RXFP2: variants seen among roughly 807,000 people sequenced by gnomAD.
RXFP2 encodes the protein relaxin receptor 2.
Under a neutral mutation model 88.6 loss-of-function variants are expected in RXFP2, and 68 were observed. The ratio of observed to expected loss-of-function variants is 0.77; its 90% CI spans 0.63 to 0.94. RXFP2 has a LOEUF of 0.94. Among genes scored for constraint, RXFP2 ranks in the 40% least tolerant of loss-of-function variants. The pLI is 0.00. For synonymous variants in RXFP2, 329 were observed against 306.8 expected (o/e 1.07, Z -0.76); for missense variants, 791 against 893.9 (o/e 0.88, Z 1.47).
chr13:31,756,087 A>G (rs989335922), intron 1 of RXFP2, among the ~76,000 whole-genome samples: 4 of 152,212 alleles, frequency 2.6e-5, no homozygotes. Context: ...CTAAAAGCTT[A>G]ATGTGCATTT....
At chr13:31,750,493 T>A (rs1460985780) in intron 1 of RXFP2, among the ~76,000 whole-genome samples, 1 of 152,192 alleles carries the variant, frequency 6.6e-6, no homozygotes, top group Non-Finnish European at 1.5e-5. Flanking sequence ...TTCTCTAAAT[T>A]CTTTAATTGA....
chr13:31,762,382 G>A (rs1453839385), intron 3 of RXFP2, among the ~76,000 whole-genome samples: 1 of 152,162 alleles, frequency 6.6e-6, no homozygotes, highest in Non-Finnish European at 1.5e-5. Context: ...AGAGGAGCAA[G>A]ATCAACAAAA....
rs137999439 is a variant in RXFP2 at position 31,797,072 on chromosome 13, TTCCGAAA to T, written c.1787-118_1787-112del. ...ATATATCATTATGAATGTGTAAATA[TTCCGAAA>T]TCCGAAATCCAAAACATTTCTGGTT... is the stretch of plus-strand genomic sequence containing the variant. On this transcript the variant is annotated intron_variant, in intron 16 of 17. Coordinates refer to ENST00000298386, the MANE Select transcript of RXFP2 (RefSeq NM_130806.5). 2.1e-3 allele frequency: 1,551 copies of T among 733,448 alleles called. 22 individuals are homozygous for T. The African/African-American group carries it at 0.023, about 11-fold the overall frequency. The allele number at this position is 733,448 out of a possible 1,614,324, so 45.4% of individuals were successfully genotyped here.
chr13:31,742,032 T>C (rs1871240063), intron 1 of RXFP2, among the ~76,000 whole-genome samples: 1 of 152,140 alleles, frequency 6.6e-6, no homozygotes, highest in Admixed American at 6.5e-5. Context: ...CTAAAAACAG[T>C]ATCTGTCTCT....
chr13:31,752,479 G>A (rs1367628357), intron 1 of RXFP2, among the ~76,000 whole-genome samples: 2 of 152,090 alleles, frequency 1.3e-5, no homozygotes, highest in Admixed American at 1.3e-4. Context: ...AACGATTGAT[G>A]TGGCCAAGAA....
At chr13:31,750,932 A>T (rs1373818194) in intron 1 of RXFP2, among the ~76,000 whole-genome samples, 1 of 152,214 alleles carries the variant, frequency 6.6e-6, no homozygotes, top group Non-Finnish European at 1.5e-5. Flanking sequence ...AGGCAGATAT[A>T]ACAGGATTTA....
intron 1 of RXFP2, among the ~76,000 whole-genome samples, chr13:31,757,842 C>T (rs1046381843): frequency 6.6e-6 from 1 of 152,120 alleles, no homozygotes; most frequent in African/African-American, 2.4e-5. Flanking sequence ...ACCTGTAATC[C>T]CGGCACTTTG....
intron 1 of RXFP2, among the ~76,000 whole-genome samples, chr13:31,746,051 G>A (rs533353678): frequency 2.0e-5 from 3 of 152,148 alleles, no homozygotes; most frequent in African/African-American, 4.8e-5. Context: ...TAACTTCTCC[G>A]CTTCATCCAC....
chr13:31,799,805 C>T (rs9576992), intron 17 of RXFP2, among the ~76,000 whole-genome samples: 50,705 of 151,960 alleles, frequency 0.33, 8,870 homozygotes, highest in East Asian at 0.5. Context: ...GGCTGGAAGT[C>T]CAAGATCAAA....
At chr13:31,775,452 C>T in intron 7 of RXFP2, 63 bp downstream of exon 7, 1 of 1,164,454 alleles carries the variant, frequency 8.6e-7, no homozygotes, top group Non-Finnish European at 1.3e-6. Context: ...TATAACAGTG[C>T]TAATGTAGTT....
chr13:31,766,010 C>A lies in RXFP2; in HGVS notation c.480C>A (p.Tyr160Ter). ...TTCCAGATAAAGTTTTCATCAAATA[C>A]ACAAAACTTAAAAAGATGTAAGTAG... ...HSLPDKVFIK[Y>*]TKLKKIFLQH... Residue 160 changes from tyrosine (Y) to a stop codon, truncating the protein, a stop_gained, in exon 5 of 18, where the codon TAC (tyrosine) becomes TAA (stop). Transcript: ENST00000298386. LOFTEE classifies it high-confidence loss of function. 1 of 1,538,744 alleles carries A rather than the reference C, an allele frequency of 6.5e-7. No individual in the cohort carries two copies. The highest frequency in any genetic ancestry group is 9.0e-7 in the Non-Finnish European group (1 of 1,112,900).
chr13:31,759,958 C>G (rs1406481824), intron 2 of RXFP2, among the ~76,000 whole-genome samples: 1 of 152,184 alleles, frequency 6.6e-6, no homozygotes, highest in Admixed American at 6.5e-5. Context: ...GCTTCCCTGG[C>G]CCCCCTGAAG....
intron 15 of RXFP2, 78 bp from the exon 16 acceptor site, chr13:31,792,600 C>T: frequency 7.3e-7 from 1 of 1,369,092 alleles, no homozygotes; most frequent in Non-Finnish European, 1.0e-6. Flanking sequence ...AATTAAAATG[C>T]TGGAAATAGA....
At chr13:31,770,948 G>A (rs1872714744) in intron 5 of RXFP2, among the ~76,000 whole-genome samples, 1 of 152,210 alleles carries the variant, frequency 6.6e-6, no homozygotes, top group Non-Finnish European at 1.5e-5. Flanking sequence ...AAGGTGGGGA[G>A]CATCTTCACC....
chr13:31,785,362 G>A (rs938672542), intron 11 of RXFP2, among the ~76,000 whole-genome samples: 2 of 152,070 alleles, frequency 1.3e-5, no homozygotes, highest in African/African-American at 2.4e-5. Flanking sequence ...TCCTGAAAGT[G>A]TCACTGAATT....
At chr13:31,800,840 T>A (rs1187588802) in intron 17 of RXFP2, among the ~76,000 whole-genome samples, 4 of 27,334 alleles carry the variant, frequency 1.5e-4, no homozygotes, top group Non-Finnish European at 3.6e-4. Context: ...GATTGTCTAA[T>A]TTTTTTAAAT....
At chr13:31,745,860 G>C (rs140777447) in intron 1 of RXFP2, among the ~76,000 whole-genome samples, 2 of 152,106 alleles carry the variant, frequency 1.3e-5, no homozygotes, top group Non-Finnish European at 2.9e-5. Flanking sequence ...TCAAAGATTG[G>C]ATATGGGTGA....
At chr13:31,768,789 T>A (rs957349842) in intron 5 of RXFP2, among the ~76,000 whole-genome samples, 1 of 152,190 alleles carries the variant, frequency 6.6e-6, no homozygotes, top group East Asian at 1.9e-4. Flanking sequence ...CTCCTCCTGC[T>A]CTTTTCCAAA....
intron 1 of RXFP2, among the ~76,000 whole-genome samples, chr13:31,754,754 C>G (rs759076588): frequency 1.2e-4 from 18 of 152,160 alleles, no homozygotes; most frequent in Non-Finnish European, 2.4e-4. Context: ...CCTCCTTCAG[C>G]TTTCAAAAGA....
Sources: gnomAD v4.1 joint callset for allele counts (sites outside exome capture counted in the v4.1 genomes callset) on GRCh38, gnomAD v4.1.1 for gene constraint, MANE v1.5 for transcripts, NCBI Gene and HGNC (gene_info 2026-07-23, HGNC 2026-07-21) for gene names.